ABCB4: variants seen among roughly 807,000 people sequenced by gnomAD.
ABCB4 encodes ATP binding cassette subfamily B member 4, also known as phosphatidylcholine translocator ABCB4.
A neutral mutation model predicts 145.7 loss-of-function variants in ABCB4; 76 were observed. The ratio of observed to expected loss-of-function variants is 0.52; its 90% CI spans 0.43 to 0.63. The LOEUF is 0.63. ABCB4 is among the 30% of genes least tolerant of loss of function. The pLI is 0.00. For missense variants in ABCB4, 1,234 were observed against 1,553.1 expected (o/e 0.79, Z 3.45); for synonymous variants, 517 against 566.8 (o/e 0.91, Z 1.25).
intron 3 of ABCB4, among the ~76,000 whole-genome samples, chr7:87,468,063 G>A (rs1333871590): frequency 1.3e-5 from 2 of 152,146 alleles, no homozygotes; most frequent in East Asian, 1.9e-4. Context: ...AACTGAAGGA[G>A]ATAGAGACAT....
At chr7:87,440,514 A>C in intron 12 of ABCB4, 112 bp from the exon 13 acceptor site, 1 of 888,408 alleles carries the variant, frequency 1.1e-6, no homozygotes, top group Non-Finnish European at 1.7e-6. Flanking sequence ...AGTGTTTAGA[A>C]ATAATAATTA....
chr7:87,385,018 T>G, the ABCB4 span, among the ~76,000 whole-genome samples: 1 of 152,164 alleles, frequency 6.6e-6, no homozygotes. Flanking sequence ...ACGGATTTAT[T>G]TCTGGGTTCT....
intron 25 of ABCB4, 43 bp from the exon 26 acceptor site, chr7:87,406,537 G>T (rs752307324): frequency 8.2e-6 from 13 of 1,592,018 alleles, no homozygotes; most frequent in African/African-American, 2.7e-5. Context: ...GTATAAAAAA[G>T]AAAAAAAAAC....
intron 14 of ABCB4, among the ~76,000 whole-genome samples, chr7:87,433,245 T>C (rs1810367603): frequency 6.6e-6 from 1 of 152,092 alleles, no homozygotes; most frequent in South Asian, 2.1e-4. Context: ...TTTAAGTAAA[T>C]ATAAAAGAGA....
chr7:87,439,954 T>C, intron 13 of ABCB4, 117 bp from the exon 14 acceptor site: 6 of 1,386,094 alleles, frequency 4.3e-6, no homozygotes, highest in Non-Finnish European at 6.0e-6. Flanking sequence ...TAATGTATCA[T>C]AAAGTATGAT....
rs1392082913 is a variant in ABCB4, at chr7:87,401,998, C to T, written c.*98G>A. On this transcript the variant is annotated 3_prime_UTR_variant, in exon 28 of 28. Coordinates refer to ENST00000649586, the MANE Select transcript of ABCB4 (RefSeq NM_000443.4). ...ATTGATCTAGAATGAGACAGACATA[C>T]CTATGTTTTATGATGACAAACCAGA... The T allele has an allele frequency of 2.5e-5, 37 of 1,479,800 alleles. No homozygotes were observed. Among genetic ancestry groups the T allele is most frequent in the Non-Finnish European group, 3.4e-5 (37 of 1,078,178 alleles). 91.7% of individuals were successfully genotyped at this position (1,479,800 alleles called of 1,614,324 possible).
At chr7:87,393,052 A>G in the ABCB4 span, 12 of 1,613,394 alleles carry the variant, frequency 7.4e-6, no homozygotes, top group South Asian at 1.1e-4. Context: ...TTTTTCTACC[A>G]TATCAGAGAT....
At position 87,401,872 on chromosome 7, in the gene ABCB4, AG is replaced by A; in HGVS notation, c.*223del. ...TTTTTCTGGATGTTTCTAATAACTT[AG>A]GGAGAGCTAGCCTGTTGTTTCAATA... is the stretch of plus-strand genomic sequence containing the variant. On this transcript the variant is annotated 3_prime_UTR_variant, in exon 28 of 28. Coordinates refer to ENST00000649586, the MANE Select transcript of ABCB4 (RefSeq NM_000443.4). 1.4e-6 allele frequency: 1 copy of A among 693,690 alleles called. No homozygotes were observed. Among genetic ancestry groups the A allele is most frequent in the Non-Finnish European group, 2.6e-6 (1 of 387,404 alleles). The allele number at this position is 693,690 out of a possible 1,614,324, so 43.0% of individuals were successfully genotyped here.
Position 87,406,469 on chromosome 7 carries a change from T to A in ABCB4, c.3305A>T (p.Lys1102Ile), listed in dbSNP as rs781754214. Residue 1102 changes from lysine (K) to isoleucine (I), a missense_variant, in exon 26 of 28, where the codon AAA becomes ATA. Physicochemically the swap from Lys to Ile is moderately radical, Grantham distance 102. Coordinates refer to ENST00000649586, the MANE Select transcript of ABCB4 (RefSeq NM_000443.4). ...TVLLDGQEAKKLNVQWLRAQL... is the reference protein window; with the variant it reads ...TVLLDGQEAKILNVQWLRAQL... Reference sequence around the variant, plus strand: ...AGCTCTGAGCCACTGGACATTGAGTTTCTTTGCTTCTTGACCATCGAGAAG... The same window carrying A: ...AGCTCTGAGCCACTGGACATTGAGTATCTTTGCTTCTTGACCATCGAGAAG... The A allele has an allele frequency of 1.4e-5, 22 of 1,613,988 alleles. No homozygotes were observed. The highest frequency in any genetic ancestry group is 1.9e-5 in the Non-Finnish European group (22 of 1,179,996).
chr7:87,415,128 C>T (rs186974263), intron 21 of ABCB4, among the ~76,000 whole-genome samples: 18 of 152,258 alleles, frequency 1.2e-4, no homozygotes, highest in African/African-American at 3.4e-4. Context: ...AACTCCCTTA[C>T]GGGTTAGCTG....
Position 87,402,322 on chromosome 7 carries a change from A to G in ABCB4, c.3634-20T>C. On this transcript the variant is annotated intron_variant, in intron 27 of 27. Transcript: ENST00000649586. ...GACAACCTATTGATAAATCAGACAG[A>G]CACCTTATCCCAAAAATTGTATAAA... 2 of 1,613,792 alleles carry G rather than the reference A, an allele frequency of 1.2e-6. No homozygotes were observed. The highest frequency in any genetic ancestry group is 1.7e-6 in the Non-Finnish European group (2 of 1,179,768).
the ABCB4 span, chr7:87,377,451 G>A: frequency 6.5e-7 from 1 of 1,544,046 alleles, no homozygotes; most frequent in Non-Finnish European, 8.9e-7. Flanking sequence ...TAATTGTGAT[G>A]TAAGTAAACT....
the ABCB4 span, among the ~76,000 whole-genome samples, chr7:87,371,618 A>G: frequency 1.3e-5 from 2 of 152,164 alleles, no homozygotes; most frequent in African/African-American, 4.8e-5. Context: ...CCACAGTGGC[A>G]TTGTTTTTTC....
At chr7:87,393,145 C>A in the ABCB4 span, 2 of 1,432,390 alleles carry the variant, frequency 1.4e-6, no homozygotes, top group Non-Finnish European at 1.9e-6. Context: ...GCCTTTCCTA[C>A]ACTGTGATTC....
chr7:87,372,996 G>A, the ABCB4 span, among the ~76,000 whole-genome samples: 3 of 151,972 alleles, frequency 2.0e-5, no homozygotes, highest in Non-Finnish European at 4.4e-5. Context: ...TATATTTTAG[G>A]GGTAGAATTG....
At chr7:87,429,683 C>T (rs982271575) in intron 15 of ABCB4, among the ~76,000 whole-genome samples, 1 of 152,158 alleles carries the variant, frequency 6.6e-6, no homozygotes, top group African/African-American at 2.4e-5. Flanking sequence ...ACATTTTATG[C>T]ATTCCTAACT....
chr7:87,466,282 TG>T (rs1812892145), intron 3 of ABCB4, among the ~76,000 whole-genome samples: 1 of 151,954 alleles, frequency 6.6e-6, no homozygotes, highest in Non-Finnish European at 1.5e-5. Context: ...TTCGATCAAG[TG>T]GAAGAAAGGG....
chr7:87,418,722 G>C (rs1809182349), intron 19 of ABCB4, 102 bp from the exon 20 acceptor site: 3 of 1,040,762 alleles, frequency 2.9e-6, no homozygotes, highest in Admixed American at 3.9e-5. Flanking sequence ...ATTTAGGGGA[G>C]ACCTCATATG....
chr7:87,431,829 T>C (rs985890374), intron 14 of ABCB4, among the ~76,000 whole-genome samples: 2 of 152,210 alleles, frequency 1.3e-5, no homozygotes, highest in African/African-American at 4.8e-5. Context: ...AGTGTTTACT[T>C]AAGAAAAATA....
Sources: allele counts gnomAD v4.1 joint callset (sites outside exome capture counted in the v4.1 genomes callset), GRCh38; gene constraint gnomAD v4.1.1; transcripts MANE v1.5; gene names NCBI Gene and HGNC (gene_info 2026-07-23, HGNC 2026-07-21).